The following FHIT variants were observed in gnomAD, a reference collection of about 807,000 sequenced individuals.
FHIT encodes the protein bis(5'-adenosyl)-triphosphatase.
Under a neutral mutation model 17.9 loss-of-function variants are expected in FHIT, and 19 were observed. The ratio of observed to expected loss-of-function variants is 1.06; its 90% CI spans 0.74 to 1.56. The LOEUF (loss-of-function observed/expected upper bound fraction) is 1.56, where lower values mean the gene tolerates loss of function less well. Among genes scored for constraint, FHIT ranks in the 40% most tolerant of loss-of-function variants. The probability of loss-of-function intolerance (pLI) is 0.00; values close to 1 mark genes in which losing one functional copy is unlikely to be tolerated. For synonymous variants in FHIT, 81 were observed against 69.7 expected (o/e 1.16, Z -0.81); for missense variants, 248 against 189.2 (o/e 1.31, Z -1.82).
At chr3:60,043,567 C>T (rs756153565) in intron 5 of FHIT, among the ~76,000 whole-genome samples, 5 of 152,222 alleles carry the variant, frequency 3.3e-5, no homozygotes, top group South Asian at 2.1e-4. Context: ...CAACCCCATG[C>T]TCTTGAGCCT....
chr3:60,357,833 T>G (rs1284368222), intron 5 of FHIT, among the ~76,000 whole-genome samples: 1 of 152,214 alleles, frequency 6.6e-6, no homozygotes, highest in Non-Finnish European at 1.5e-5. Flanking sequence ...AGTCTTTGCA[T>G]AAGACTACCT....
chr3:60,027,134 CA>C (rs1700778327), intron 5 of FHIT, among the ~76,000 whole-genome samples: 1 of 119,754 alleles, frequency 8.4e-6, no homozygotes, highest in Non-Finnish European at 1.7e-5. Flanking sequence ...CACACACACA[CA>C]CACACACACA....
chr3:60,619,762 G>A (rs2039065822), intron 4 of FHIT, among the ~76,000 whole-genome samples: 1 of 152,074 alleles, frequency 6.6e-6, no homozygotes, highest in Admixed American at 6.5e-5. Context: ...GAGCATGAAA[G>A]TGACTTTTTA....
chr3:60,866,390 G>A (rs1032123509), intron 3 of FHIT, among the ~76,000 whole-genome samples: 1 of 152,166 alleles, frequency 6.6e-6, no homozygotes, highest in Non-Finnish European at 1.5e-5. Flanking sequence ...TTGAGTGGCT[G>A]TCTCTGGAGG....
intron 2 of FHIT, among the ~76,000 whole-genome samples, chr3:61,069,333 C>A (rs981043315): frequency 7.2e-5 from 11 of 152,158 alleles, no homozygotes; most frequent in South Asian, 4.1e-4. Flanking sequence ...ATATTGAAAT[C>A]ATCTTAGGAG....
chr3:59,850,511 G>A (rs192842279), intron 8 of FHIT, among the ~76,000 whole-genome samples: 3 of 152,042 alleles, frequency 2.0e-5, no homozygotes, highest in South Asian at 2.1e-4. Context: ...CTTAAATTAC[G>A]CAGGAGAAGT....
intron 2 of FHIT, among the ~76,000 whole-genome samples, chr3:61,043,687 G>C (rs1241767086): frequency 6.6e-6 from 1 of 152,176 alleles, no homozygotes; most frequent in Non-Finnish European, 1.5e-5. Context: ...TCTTCAAGTG[G>C]GTCCCTGAGA....
intron 3 of FHIT, among the ~76,000 whole-genome samples, chr3:60,850,640 G>A (rs368011855): frequency 6.6e-6 from 1 of 152,130 alleles, no homozygotes; most frequent in South Asian, 2.1e-4. Flanking sequence ...CCAGAGCCAG[G>A]TGCCTGTCCA....
chr3:59,884,531 T>C (rs17061328), intron 8 of FHIT, among the ~76,000 whole-genome samples: 5,963 of 152,234 alleles, frequency 0.039, 127 homozygotes, highest in African/African-American at 0.064. Flanking sequence ...GCTAAGACAT[T>C]TATTGTGTCA....
At chr3:60,398,363 G>A (rs752110252) in intron 5 of FHIT, among the ~76,000 whole-genome samples, 8 of 152,102 alleles carry the variant, frequency 5.3e-5, no homozygotes, top group Non-Finnish European at 1.2e-4. Context: ...GACTCATAAA[G>A]GACAATGCCA....
chr3:60,111,169 G>A (rs754922966), intron 5 of FHIT, among the ~76,000 whole-genome samples: 11 of 152,204 alleles, frequency 7.2e-5, no homozygotes, highest in South Asian at 4.2e-4. Context: ...GAATGTCACC[G>A]CATATTGATT....
chr3:59,993,822 A>T (rs559203453), intron 7 of FHIT, among the ~76,000 whole-genome samples: 2 of 152,002 alleles, frequency 1.3e-5, no homozygotes, highest in African/African-American at 4.8e-5. Context: ...TTCCCTCTGA[A>T]CCTCAGTTAA....
At chr3:60,008,471 C>G (rs1013971652) in intron 7 of FHIT, among the ~76,000 whole-genome samples, 8 of 152,026 alleles carry the variant, frequency 5.3e-5, no homozygotes, top group Non-Finnish European at 1.2e-4. Flanking sequence ...TTTAAAGCCC[C>G]TGAAACAAAA....
intron 5 of FHIT, among the ~76,000 whole-genome samples, chr3:60,213,892 C>A (rs879788162): frequency 6.6e-6 from 1 of 152,150 alleles, no homozygotes; most frequent in Admixed American, 6.5e-5. Flanking sequence ...CTATCTACAT[C>A]TCCTATCTCT....
In FHIT at chr3:60,009,548, C is replaced by T. The variant is rs1285138059; in HGVS notation, c.279+1823G>A. On this transcript the variant is annotated intron_variant, in intron 7 of 9. Transcript: ENST00000492590. ...TAATTGGGACATCAAAAAGTAATTA[C>T]TATTGGAGTTACACAATCTGTAGCC... 2.6e-5 allele frequency among the ~76,000 whole-genome samples: 4 copies of T among 152,006 alleles called. No homozygotes were observed. The South Asian group carries it at 8.3e-4, about 32-fold the overall frequency.
chr3:60,212,415 A>G (rs371987638), intron 5 of FHIT, among the ~76,000 whole-genome samples: 1 of 152,206 alleles, frequency 6.6e-6, no homozygotes, highest in African/African-American at 2.4e-5. Context: ...GCTAATGTAC[A>G]TGACAGCAGA....
At chr3:60,353,255 T>C (rs929642446) in intron 5 of FHIT, among the ~76,000 whole-genome samples, 1 of 152,116 alleles carries the variant, frequency 6.6e-6, no homozygotes, top group African/African-American at 2.4e-5. Context: ...CCATCGGCCC[T>C]AAAACATTAA....
chr3:60,877,793 C>T (rs1197668772), intron 3 of FHIT, among the ~76,000 whole-genome samples: 1 of 152,058 alleles, frequency 6.6e-6, no homozygotes, highest in Non-Finnish European at 1.5e-5. Flanking sequence ...GACTAGCCCA[C>T]TAGAGTCTGA....
At chr3:60,081,367 C>CA in intron 5 of FHIT, among the ~76,000 whole-genome samples, 1 of 152,182 alleles carries the variant, frequency 6.6e-6, no homozygotes, top group Non-Finnish European at 1.5e-5. Flanking sequence ...TGGGTGTCTT[C>CA]AAAGCCTTGT....
Sources: allele counts gnomAD v4.1 joint callset (sites outside exome capture counted in the v4.1 genomes callset), GRCh38; gene constraint gnomAD v4.1.1; transcripts MANE v1.5; gene names NCBI Gene and HGNC (gene_info 2026-07-23, HGNC 2026-07-21).